The following SORCS1 variants were observed in gnomAD, a reference collection of about 807,000 sequenced individuals.
The protein encoded by SORCS1 is sortilin related VPS10 domain containing receptor 1.
Under a neutral mutation model 146.1 loss-of-function variants are expected in SORCS1, and 60 were observed. The ratio of observed to expected loss-of-function variants is 0.41; its 90% CI spans 0.33 to 0.51. The LOEUF is 0.51. Among genes scored for constraint, SORCS1 ranks in the 20% least tolerant of loss-of-function variants. The pLI is 0.21. For synonymous variants in SORCS1, 637 were observed against 584.0 expected, an observed-to-expected ratio of 1.09 and a Z score of -1.31; for missense variants, 1,352 against 1,487.6, an observed-to-expected ratio of 0.91 and a Z score of 1.50.
intron 23 of SORCS1, among the ~76,000 whole-genome samples, chr10:106,603,865 G>A (rs748713216): frequency 6.6e-6 from 1 of 152,148 alleles, no homozygotes; most frequent in African/African-American, 2.4e-5. Context: ...CCATGTCCTT[G>A]TCTAGTCTTG....
chr10:106,595,604 A>G (rs1158392565), intron 24 of SORCS1, among the ~76,000 whole-genome samples: 2 of 152,228 alleles, frequency 1.3e-5, no homozygotes, highest in African/African-American at 2.4e-5. Context: ...GAAATCCAAT[A>G]AAGAAAAAAG....
intron 1 of SORCS1, among the ~76,000 whole-genome samples, chr10:107,023,515 G>GA: frequency 6.6e-6 from 1 of 152,190 alleles, no homozygotes; most frequent in East Asian, 1.9e-4. Flanking sequence ...AAAACACAAA[G>GA]CAGAGCTTGT....
intron 7 of SORCS1, among the ~76,000 whole-genome samples, chr10:106,707,017 C>T (rs911580): frequency 0.83 from 126,639 of 151,964 alleles, 54,219 homozygotes; most frequent in Non-Finnish European, 0.94. Context: ...ATGGCCCAAC[C>T]CAAACAGTGG....
chr10:107,129,392 A>G (rs1361945864), intron 1 of SORCS1, among the ~76,000 whole-genome samples: 1 of 152,202 alleles, frequency 6.6e-6, no homozygotes, highest in African/African-American at 2.4e-5. Context: ...ACGTTAAGAG[A>G]AATACAATGA....
intron 6 of SORCS1, among the ~76,000 whole-genome samples, chr10:106,715,754 TTC>T (rs1368718367): frequency 1.3e-5 from 2 of 152,120 alleles, no homozygotes; most frequent in Non-Finnish European, 2.9e-5. Context: ...CTGAGGCAGC[TTC>T]TTTCTTTTTC....
chr10:107,007,385 C>T (rs1365780902), intron 1 of SORCS1, among the ~76,000 whole-genome samples: 1 of 152,184 alleles, frequency 6.6e-6, no homozygotes, highest in Non-Finnish European at 1.5e-5. Context: ...AACCGAGCTG[C>T]CATGCTGTGA....
chr10:107,063,871 G>C (rs1240621779), intron 1 of SORCS1, among the ~76,000 whole-genome samples: 5 of 152,176 alleles, frequency 3.3e-5, no homozygotes, highest in Non-Finnish European at 7.3e-5. Context: ...GTTCATGACA[G>C]TAACTCTCTG....
intron 6 of SORCS1, among the ~76,000 whole-genome samples, chr10:106,717,675 A>G (rs1272813922): frequency 6.6e-6 from 1 of 152,240 alleles, no homozygotes; most frequent in Non-Finnish European, 1.5e-5. Flanking sequence ...TGAGAGAGAA[A>G]ACAAAAGCAC....
intron 2 of SORCS1, among the ~76,000 whole-genome samples, chr10:106,841,004 C>T (rs1037817950): frequency 1.4e-4 from 21 of 151,464 alleles, no homozygotes; most frequent in African/African-American, 2.4e-4. Context: ...TACAGGTGCA[C>T]GCCACCATAC....
intron 2 of SORCS1, among the ~76,000 whole-genome samples, chr10:106,936,961 T>C (rs1049856315): frequency 3.9e-5 from 6 of 152,208 alleles, no homozygotes; most frequent in Non-Finnish European, 8.8e-5. Flanking sequence ...CTAGCATATA[T>C]GTGTCCACTC....
chr10:106,966,113 T>C (rs1317060364), intron 1 of SORCS1, among the ~76,000 whole-genome samples: 1 of 152,218 alleles, frequency 6.6e-6, no homozygotes, highest in African/African-American at 2.4e-5. Flanking sequence ...AACTGCAGAT[T>C]TCCACAGATG....
At chr10:106,987,374 C>A (rs1416423410) in intron 1 of SORCS1, among the ~76,000 whole-genome samples, 45 of 152,192 alleles carry the variant, frequency 3.0e-4, no homozygotes, top group Admixed American at 2.9e-3. Context: ...TCAGTCTTGA[C>A]AGTAGTTTCT....
intron 5 of SORCS1, among the ~76,000 whole-genome samples, chr10:106,760,171 G>A (rs1214786110): frequency 2.6e-5 from 4 of 152,202 alleles, no homozygotes; most frequent in African/African-American, 9.6e-5. Context: ...GAGGCCGGGC[G>A]TGATGGCTCA....
intron 9 of SORCS1, among the ~76,000 whole-genome samples, chr10:106,692,392 T>C (rs1853363191): frequency 1.3e-5 from 2 of 151,998 alleles, no homozygotes; most frequent in Non-Finnish European, 2.9e-5. Flanking sequence ...CTGAAATAGG[T>C]AGTAAGAGTT....
intron 1 of SORCS1, among the ~76,000 whole-genome samples, chr10:107,005,735 G>T (rs193120121): frequency 3.9e-4 from 59 of 152,158 alleles, no homozygotes; most frequent in South Asian, 3.5e-3. Context: ...TTTATTTAAT[G>T]AGGTGGGACC....
chr10:106,732,637 T>G (rs1246085546), intron 5 of SORCS1, among the ~76,000 whole-genome samples: 1 of 152,242 alleles, frequency 6.6e-6, no homozygotes, highest in Non-Finnish European at 1.5e-5. Context: ...AAAACTAGCA[T>G]GCAAGCCTAT....
chr10:106,629,496 G>T, intron 18 of SORCS1, 108 bp from the exon 19 acceptor site: 1 of 1,077,166 alleles, frequency 9.3e-7, no homozygotes, highest in Non-Finnish European at 1.3e-6. Flanking sequence ...CATGATGGCA[G>T]CCCTGGCTCA....
chr10:107,080,385 C>T lies in SORCS1; in HGVS notation c.558+83584G>A, dbSNP rs1963238321. ...CTCCCTTGACCCCAAGTCACTCCAG[C>T]ATTAGCCAGAAGGGACTGTGAACAC... On this transcript the variant is annotated intron_variant, in intron 1 of 25. Coordinates refer to ENST00000263054, the MANE Select transcript of SORCS1 (RefSeq NM_052918.5). Among the ~76,000 whole-genome samples the T allele has an allele frequency of 2.0e-5, 3 of 152,186 alleles. No individual in the cohort carries two copies. The South Asian group carries it at 6.2e-4, about 31-fold the overall frequency.
chr10:107,051,007 CCTTT>C (rs987143844), intron 1 of SORCS1, among the ~76,000 whole-genome samples: 1 of 152,080 alleles, frequency 6.6e-6, no homozygotes, highest in African/African-American at 2.4e-5. Context: ...TTCTTTCCTT[CCTTT>C]TTCTCTCCCT....
Sources: gnomAD v4.1 joint callset for allele counts (sites outside exome capture counted in the v4.1 genomes callset) on GRCh38, gnomAD v4.1.1 for gene constraint, MANE v1.5 for transcripts, NCBI Gene and HGNC (gene_info 2026-07-23, HGNC 2026-07-21) for gene names.